Variants in PAN3 observed in about 807,000 individuals in gnomAD.
PAN3 encodes the protein PAN2-PAN3 deadenylation complex subunit PAN3.
Under a neutral mutation model 96.2 loss-of-function variants are expected in PAN3, and 19 were observed. That is an observed-to-expected ratio of 0.20 (90% CI 0.14 to 0.29). The LOEUF (loss-of-function observed/expected upper bound fraction) is 0.29, where lower values mean the gene tolerates loss of function less well. Ranked by LOEUF, PAN3 falls within the 10% of genes least tolerant of loss-of-function variation. The pLI is 1.00. For synonymous variants in PAN3, 433 were observed against 406.6 expected, an observed-to-expected ratio of 1.06 and a Z score of -0.78; for missense variants, 882 against 1,108.1, an observed-to-expected ratio of 0.80 and a Z score of 2.90.
intron 6 of PAN3, among the ~76,000 whole-genome samples, chr13:28,248,278 A>G (rs1884395651): frequency 6.6e-6 from 1 of 152,058 alleles, no homozygotes; most frequent in Non-Finnish European, 1.5e-5. Flanking sequence ...ATATCCTGAA[A>G]CTTTTACTAA....
chr13:28,155,541 A>G (rs928199224), intron 1 of PAN3, among the ~76,000 whole-genome samples: 3 of 152,152 alleles, frequency 2.0e-5, no homozygotes, highest in African/African-American at 4.8e-5. Context: ...ATGAGCTGAG[A>G]TGGCACCAGT....
intron 8 of PAN3, 106 bp downstream of exon 8, chr13:28,260,657 C>A: frequency 1.1e-6 from 1 of 917,572 alleles, no homozygotes; most frequent in Non-Finnish European, 1.7e-6. Flanking sequence ...ATCAAATATG[C>A]TCTAGTAAAG....
At chr13:28,141,978 C>A (rs2137911176) in intron 1 of PAN3, among the ~76,000 whole-genome samples, 1 of 152,272 alleles carries the variant, frequency 6.6e-6, no homozygotes. Flanking sequence ...AAAATTAATA[C>A]TTTGTCACTT....
At chr13:28,226,268 A>G (rs1881991737) in intron 6 of PAN3, among the ~76,000 whole-genome samples, 2 of 152,314 alleles carry the variant, frequency 1.3e-5, no homozygotes, top group African/African-American at 2.4e-5. Context: ...TGGTTCTTAA[A>G]TATCACCAGT....
At chr13:28,290,974 C>A (rs1183883502) in intron 18 of PAN3, among the ~76,000 whole-genome samples, 1 of 151,792 alleles carries the variant, frequency 6.6e-6, no homozygotes, top group South Asian at 2.1e-4. Flanking sequence ...CATCAAAGAT[C>A]ATTTAATGAA....
chr13:28,247,152 C>T (rs1884271189), intron 6 of PAN3, among the ~76,000 whole-genome samples: 1 of 151,838 alleles, frequency 6.6e-6, no homozygotes, highest in Non-Finnish European at 1.5e-5. Context: ...TTTTGATTTG[C>T]ATTTCCCTGG....
At chr13:28,150,278 A>T (rs568152963) in intron 1 of PAN3, among the ~76,000 whole-genome samples, 21 of 152,330 alleles carry the variant, frequency 1.4e-4, no homozygotes, top group Middle Eastern at 3.4e-3. Context: ...TTAGTAAGGC[A>T]GCATTTAAAG....
intron 6 of PAN3, among the ~76,000 whole-genome samples, chr13:28,243,459 A>G (rs747413513): frequency 4.6e-5 from 7 of 152,188 alleles, no homozygotes; most frequent in African/African-American, 9.7e-5. Context: ...GTCTGTCTTC[A>G]TTTGAATTAC....
chr13:28,192,702 C>T (rs1209010662), intron 4 of PAN3, among the ~76,000 whole-genome samples: 6 of 152,100 alleles, frequency 3.9e-5, no homozygotes, highest in Non-Finnish European at 7.3e-5. Context: ...TGTCTTCGAG[C>T]GTAAGGTGTG....
At chr13:28,229,760 C>G (rs1037579284) in intron 6 of PAN3, among the ~76,000 whole-genome samples, 1 of 152,062 alleles carries the variant, frequency 6.6e-6, no homozygotes, top group African/African-American at 2.4e-5. Flanking sequence ...GACAGTGATT[C>G]TCAAATTTCA....
chr13:28,199,735 T>TG (rs1040351554), intron 5 of PAN3, among the ~76,000 whole-genome samples: 7 of 148,632 alleles, frequency 4.7e-5, no homozygotes, highest in African/African-American at 1.5e-4. Flanking sequence ...TTCCATACCA[T>TG]TTTTTTTTCC....
chr13:28,284,362 G>T (rs1407767528), intron 17 of PAN3, among the ~76,000 whole-genome samples: 1 of 150,762 alleles, frequency 6.6e-6, no homozygotes, highest in East Asian at 1.9e-4. Flanking sequence ...AAGAGCTAAA[G>T]AGATTCACTC....
At position 28,138,781 on chromosome 13, in the gene PAN3, G is replaced by T. The variant is rs985989145; in HGVS notation, c.124G>T (p.Val42Leu). 1.9e-5 allele frequency: 26 copies of T among 1,384,530 alleles called. No homozygotes were observed. The highest frequency in any genetic ancestry group is 2.3e-5 in the Non-Finnish European group (25 of 1,073,412). 85.8% of individuals were successfully genotyped at this position (1,384,530 alleles called of 1,614,324 possible). ...CGGGGGTGTCCCCGGCGGGGCGGCG[G>T]TAGGAGTGAAGCTGAAGTACTGCCG... ...GVGGVPGGAA[V>L]GVKLKYCRYY... The change falls in exon 1 of 19, where the codon GTA (valine) becomes TTA (leucine). Residue 42 changes from valine to leucine, a missense_variant. Coordinates refer to ENST00000380958, the MANE Select transcript of PAN3 (RefSeq NM_175854.8).
intron 5 of PAN3, among the ~76,000 whole-genome samples, chr13:28,198,354 A>G (rs758097207): frequency 2.2e-4 from 34 of 152,166 alleles, no homozygotes; most frequent in Non-Finnish European, 4.3e-4. Flanking sequence ...AAATCTGAAG[A>G]ACAAGATGCT....
At chr13:28,212,182 T>A (rs191384545) in intron 5 of PAN3, among the ~76,000 whole-genome samples, 10 of 152,272 alleles carry the variant, frequency 6.6e-5, no homozygotes, top group Non-Finnish European at 1.0e-4. Flanking sequence ...CAGGAGTAGT[T>A]CCTGTTCTCA....
intron 6 of PAN3, among the ~76,000 whole-genome samples, chr13:28,225,543 A>G (rs539330492): frequency 7.4e-4 from 113 of 152,342 alleles, no homozygotes; most frequent in African/African-American, 2.5e-3. Flanking sequence ...CCTTGCGCCA[A>G]TCTAGAGGTG....
chr13:28,235,876 T>C (rs1191360417), intron 6 of PAN3, among the ~76,000 whole-genome samples: 1 of 150,144 alleles, frequency 6.7e-6, no homozygotes, highest in Non-Finnish European at 1.5e-5. Flanking sequence ...CATGCCCAGC[T>C]GATTTTTAAA....
intron 6 of PAN3, among the ~76,000 whole-genome samples, chr13:28,243,505 A>C (rs1883872804): frequency 6.6e-6 from 1 of 152,210 alleles, no homozygotes; most frequent in Non-Finnish European, 1.5e-5. Context: ...TCATAATGAA[A>C]ATGTTTTAAT....
intron 4 of PAN3, among the ~76,000 whole-genome samples, chr13:28,183,143 A>G (rs1876013949): frequency 6.6e-6 from 1 of 152,206 alleles, no homozygotes; most frequent in Admixed American, 6.5e-5. Flanking sequence ...TGCATATTGA[A>G]TCAAGTATTG....
Sources: gnomAD v4.1 joint callset for allele counts (sites outside exome capture counted in the v4.1 genomes callset) on GRCh38, gnomAD v4.1.1 for gene constraint, MANE v1.5 for transcripts, NCBI Gene and HGNC (gene_info 2026-07-23, HGNC 2026-07-21) for gene names.